HDAC2: variants seen among roughly 807,000 people sequenced by gnomAD.
HDAC2 encodes YY1-associated factor 1.
In HDAC2, 5 loss-of-function variants were observed where a neutral mutation model predicts 68.5. The observed-to-expected ratio is 0.07, with a 90% CI of 0.04 to 0.15. The LOEUF (loss-of-function observed/expected upper bound fraction) is 0.15. HDAC2 is among the 10% of genes least tolerant of loss of function. The pLI, the probability that HDAC2 is intolerant of heterozygous loss-of-function variation, is 1.00. For missense variants in HDAC2, 291 were observed against 600.8 expected, an observed-to-expected ratio of 0.48 and a Z score of 5.39; for synonymous variants, 182 against 191.3, an observed-to-expected ratio of 0.95 and a Z score of 0.40.
rs555573554 is a variant in HDAC2 at position 113,969,073 on chromosome 6, T to C, written c.52+1784A>G. 7.2e-5 allele frequency among the ~76,000 whole-genome samples: 11 copies of C among 152,366 alleles called. 1 individual carries two copies. The East Asian group carries it at 2.1e-3, about 29-fold the overall frequency. On this transcript the variant is annotated intron_variant, in intron 1 of 13. Coordinates refer to ENST00000519065, the MANE Select transcript of HDAC2 (RefSeq NM_001527.4). ...CAATGTAATTTTACAAATTAACTTA[T>C]ACGCAGGGTTACTTCCTTTCCAATT...
chr6:113,954,953 A>G (rs1776513923), intron 5 of HDAC2, among the ~76,000 whole-genome samples: 1 of 152,232 alleles, frequency 6.6e-6, no homozygotes, highest in Non-Finnish European at 1.5e-5. Flanking sequence ...CAACTCAGAG[A>G]TAATTTTATA....
At chr6:113,957,443 A>G (rs1161721234) in intron 3 of HDAC2, among the ~76,000 whole-genome samples, 1 of 152,084 alleles carries the variant, frequency 6.6e-6, no homozygotes, top group Admixed American at 6.5e-5. Flanking sequence ...AAGCACTATA[A>G]GAAATGAATT....
In HDAC2 at chr6:113,955,119, C is replaced by T. The variant is rs1463968592; in HGVS notation, c.497+894G>A. Among the ~76,000 whole-genome samples, 3 of 152,150 alleles carry T rather than the reference C, an allele frequency of 2.0e-5. 1 individual carries two copies. In the South Asian group the frequency reaches 6.2e-4, roughly 32 times the overall value. ...GAATATAAACTTCCAAGGTCATTGT[C>T]ATTTTTTACTAGTTGAAACTAACTA... On this transcript the variant is annotated intron_variant, in intron 5 of 13. Coordinates refer to ENST00000519065, the MANE Select transcript of HDAC2 (RefSeq NM_001527.4).
chr6:113,964,811 T>C (rs1776772952), intron 1 of HDAC2, among the ~76,000 whole-genome samples: 1 of 152,214 alleles, frequency 6.6e-6, no homozygotes, highest in Admixed American at 6.5e-5. Context: ...AGCTCTTTAT[T>C]TGTATTCCCA....
rs935571345 is a variant in HDAC2, at chr6:113,936,751, G to C, written c.*4307C>G. 1 of 152,460 alleles carries C rather than the reference G, an allele frequency of 6.6e-6. No homozygotes were observed. Among genetic ancestry groups the C allele is most frequent in the Admixed American group, 6.5e-5 (1 of 15,276 alleles). 9.4% of individuals were successfully genotyped at this position (152,460 alleles called of 1,614,324 possible). ...TCATGCTTGTAATCCCAGCACTTTG[G>C]GAGGCCCAGGCGGGTGGATCATTTG... On this transcript the variant is annotated 3_prime_UTR_variant, in exon 14 of 14. Coordinates refer to ENST00000519065, the MANE Select transcript of HDAC2 (RefSeq NM_001527.4).
rs139847822 is a variant in HDAC2 at position 113,943,869 on chromosome 6, A to G, written c.1223-363T>C. 2.2e-3 allele frequency among the ~76,000 whole-genome samples: 330 copies of G among 152,340 alleles called. 2 individuals are homozygous for G. Among genetic ancestry groups the G allele is most frequent in the African/African-American group, 7.7e-3 (321 of 41,582 alleles). On this transcript the variant is annotated intron_variant, in intron 11 of 13. Coordinates refer to ENST00000519065, the MANE Select transcript of HDAC2 (RefSeq NM_001527.4). Reference sequence around the variant, plus strand: ...GAGAGGTGAAGTAGACCAAAAAAAAAGTACCAATACCAAATATGTTAGACA... The same window carrying G: ...GAGAGGTGAAGTAGACCAAAAAAAAGGTACCAATACCAAATATGTTAGACA...
At position 113,937,856 on chromosome 6, in the gene HDAC2, A is replaced by AG. The variant is rs1776039387; in HGVS notation, c.*3201dup. On this transcript the variant is annotated 3_prime_UTR_variant, in exon 14 of 14. Transcript: ENST00000519065. ...GACCGAGATCCTTTCTCTAAAAAAAAGAGATAAACAGCCAGGTGCGGCAGC... is the reference window on the plus strand; with the variant it reads ...GACCGAGATCCTTTCTCTAAAAAAAAGGAGATAAACAGCCAGGTGCGGCAGC... 1 of 152,302 alleles carries AG rather than the reference A, an allele frequency of 6.6e-6. No individual in the cohort carries two copies. The highest frequency in any genetic ancestry group is 2.1e-4 in the South Asian group (1 of 4,838). 9.4% of individuals were successfully genotyped at this position (152,302 alleles called of 1,614,324 possible). A position where few individuals can be genotyped will look rare whatever the true frequency, so the allele number is the denominator to read the frequency against.
intron 10 of HDAC2, 84 bp downstream of exon 10, chr6:113,945,278 A>G: frequency 3.4e-6 from 2 of 579,772 alleles, no homozygotes; most frequent in Non-Finnish European, 6.2e-6. Context: ...AAAGTTAAAA[A>G]GACCCATCAT....
In HDAC2 at chr6:113,937,265, C is replaced by A. The variant is rs1162441661; in HGVS notation, c.*3793G>T. The A allele has an allele frequency of 1.3e-5, 2 of 152,144 alleles. No individual in the cohort carries two copies. The highest frequency in any genetic ancestry group is 4.8e-5 in the African/African-American group (2 of 41,424). The allele number at this position is 152,144 out of a possible 1,614,324, so 9.4% of individuals were successfully genotyped here. On this transcript the variant is annotated 3_prime_UTR_variant, in exon 14 of 14. Coordinates refer to ENST00000519065, the MANE Select transcript of HDAC2 (RefSeq NM_001527.4). ...ATCGCAGTTATCAAAAAAACTTCAG[C>A]AGTATTACTACATCAAAACCATAAA...
At chr6:113,943,656 G>T in intron 11 of HDAC2, 150 bp from the exon 12 acceptor site, 1 of 494,322 alleles carries the variant, frequency 2.0e-6, no homozygotes, top group East Asian at 3.5e-5. Flanking sequence ...TGAATGGAAT[G>T]AATGGTTTAT....
At position 113,949,317 on chromosome 6, in the gene HDAC2, T is replaced by A. The variant is rs1210201211; in HGVS notation, c.640-57A>T. 9 of 1,078,994 alleles carry A rather than the reference T, an allele frequency of 8.3e-6. No individual in the cohort carries two copies. In the African/African-American group the frequency reaches 1.1e-4, roughly 13 times the overall value. 66.8% of individuals were successfully genotyped at this position (1,078,994 alleles called of 1,614,324 possible). ...ATATTCTATAATAAAAAGTTTGGCA[T>A]TTGTTTACTACATTTTGAAAAGACT... On this transcript the variant is annotated intron_variant, in intron 6 of 13. Coordinates refer to ENST00000519065, the MANE Select transcript of HDAC2 (RefSeq NM_001527.4).
Position 113,958,710 on chromosome 6 carries a change from G to C in HDAC2, c.222C>G (p.Ile74Met). The C allele has an allele frequency of 6.2e-7, 1 of 1,609,884 alleles. No homozygotes were observed. The highest frequency in any genetic ancestry group is 8.5e-7 in the Non-Finnish European group (1 of 1,177,130). Residue 74 changes from isoleucine (I) to methionine (M), a missense_variant, in exon 3 of 14, where the codon ATC (isoleucine) becomes ATG (methionine). By Grantham distance (10) the Ile-to-Met change is conservative. Transcript: ENST00000519065. ...CTGGTCTTATTGACCGTAGAAATTTGATATACTCATCACTGTGATATTTTG... is the reference window on the plus strand; with the variant it reads ...CTGGTCTTATTGACCGTAGAAATTTCATATACTCATCACTGTGATATTTTG... ...EMTKYHSDEY[I>M]KFLRSIRPDN... is the part of the protein sequence containing the mutation.
intron 5 of HDAC2, 24 bp downstream of exon 5, chr6:113,955,989 G>C (rs1442144870): frequency 6.5e-7 from 1 of 1,535,908 alleles, no homozygotes; most frequent in Non-Finnish European, 8.9e-7. Flanking sequence ...TCACTGAAAA[G>C]AGTATCAATA....
intron 8 of HDAC2, 52 bp from the exon 9 acceptor site, chr6:113,946,200 GA>G: frequency 2.7e-6 from 4 of 1,464,346 alleles, no homozygotes; most frequent in Non-Finnish European, 3.7e-6. Context: ...GCAACAGTTC[GA>G]AAAATAAATT....
rs182568467 is a variant in HDAC2, at chr6:113,945,628, C to T, written c.983-158G>A. On this transcript the variant is annotated intron_variant, in intron 9 of 13. Transcript: ENST00000519065. ...TCCTATTTATAAAGAATGGCACTTA[C>T]TCTAATCATTCATCCATCTATTTCT... 2.6e-3 allele frequency among the ~76,000 whole-genome samples: 396 copies of T among 152,322 alleles called. 4 individuals carry two copies. Among genetic ancestry groups the T allele is most frequent in the African/African-American group, 9.0e-3 (375 of 41,564 alleles).
At chr6:113,966,175 T>C (rs1412777026) in intron 1 of HDAC2, among the ~76,000 whole-genome samples, 1 of 152,134 alleles carries the variant, frequency 6.6e-6, no homozygotes, top group Non-Finnish European at 1.5e-5. Flanking sequence ...AATGCCAAAA[T>C]GCCACCCATC....
intron 8 of HDAC2, 98 bp from the exon 9 acceptor site, chr6:113,946,246 A>G (rs1038626382): frequency 2.2e-6 from 2 of 916,574 alleles, no homozygotes; most frequent in African/African-American, 1.7e-5. Context: ...TTACTCAACC[A>G]AAATGGGTTT....
intron 8 of HDAC2, 113 bp downstream of exon 8, chr6:113,948,866 G>A (rs1353829445): frequency 9.0e-7 from 1 of 1,109,232 alleles, no homozygotes; most frequent in Non-Finnish European, 1.3e-6. Context: ...GAAAAATGCA[G>A]AGTACAGTGT....
At chr6:113,942,460 C>A (rs528698384) in intron 12 of HDAC2, among the ~76,000 whole-genome samples, 1 of 146,358 alleles carries the variant, frequency 6.8e-6, no homozygotes, top group African/African-American at 2.5e-5. Context: ...CTGGCTTATT[C>A]ACATAACTTC....
Sources: allele counts gnomAD v4.1 joint callset (sites outside exome capture counted in the v4.1 genomes callset), GRCh38; gene constraint gnomAD v4.1.1; transcripts MANE v1.5; gene names NCBI Gene and HGNC (gene_info 2026-07-23, HGNC 2026-07-21).